The following RIMKLB variants were observed in gnomAD, a reference collection of about 807,000 sequenced individuals.
RIMKLB encodes ribosomal modification protein rimK like family member B.
Under a neutral mutation model 32.0 loss-of-function variants are expected in RIMKLB, and 7 were observed. The ratio of observed to expected loss-of-function variants is 0.22; its 90% CI spans 0.12 to 0.41. The LOEUF (loss-of-function observed/expected upper bound fraction) is 0.41. Ranked by LOEUF, RIMKLB falls within the 10% of genes least tolerant of loss-of-function variation. The probability of loss-of-function intolerance (pLI) is 1.00; values close to 1 mark genes in which losing one functional copy is unlikely to be tolerated. For missense variants in RIMKLB, 289 were observed against 498.7 expected, an observed-to-expected ratio of 0.58 and a Z score of 4.00; for synonymous variants, 172 against 185.1, an observed-to-expected ratio of 0.93 and a Z score of 0.57.
chr12:8,782,163 A>G (rs1951116041), downstream of RIMKLB, among the ~76,000 whole-genome samples: 4 of 151,968 alleles, frequency 2.6e-5, no homozygotes, highest in South Asian at 8.3e-4. Context: ...AATCTGAATC[A>G]AAAATTGTTT....
intron 2 of RIMKLB, among the ~76,000 whole-genome samples, chr12:8,727,550 T>G (rs1338958808): frequency 6.6e-6 from 1 of 152,224 alleles, no homozygotes; most frequent in African/African-American, 2.4e-5. Flanking sequence ...GTAGGCACTT[T>G]GTATCCATGG....
In RIMKLB at chr12:8,754,104, T is replaced by C; in HGVS notation, c.697+11T>C. 1 of 1,584,518 alleles carries C rather than the reference T, an allele frequency of 6.3e-7. No homozygotes were observed. Among genetic ancestry groups the C allele is most frequent in the Non-Finnish European group, 8.7e-7 (1 of 1,152,954 alleles). On this transcript the variant is annotated intron_variant, in intron 5 of 5. Transcript: ENST00000535829. ...GCAACTGCTCATTAGGTAAAAATAA[T>C]GCAATTATCTTTCTAGTATATAAAG...
intron 1 of RIMKLB, among the ~76,000 whole-genome samples, chr12:8,708,811 A>C (rs997954330): frequency 3.3e-5 from 5 of 152,362 alleles, no homozygotes; most frequent in East Asian, 1.9e-4. Flanking sequence ...GAGTATTCCA[A>C]GATGCAGTGC....
chr12:8,753,770 TAAA>T (rs57839091), intron 4 of RIMKLB, 117 bp from the exon 5 acceptor site: 2 of 719,670 alleles, frequency 2.8e-6, no homozygotes, highest in Non-Finnish European at 4.5e-6. Context: ...AAAGAAAACT[TAAA>T]AAAAAAATGT....
intron 5 of RIMKLB, among the ~76,000 whole-genome samples, chr12:8,759,399 TAATC>T (rs998013493): frequency 4.6e-5 from 7 of 152,116 alleles, no homozygotes; most frequent in East Asian, 1.9e-4. Flanking sequence ...CGTCTCTAAA[TAATC>T]AATCAGATTA....
intron 2 of RIMKLB, among the ~76,000 whole-genome samples, chr12:8,716,008 TATTGGGAGCC>T (rs1413616792): frequency 6.6e-6 from 1 of 152,178 alleles, no homozygotes; most frequent in Non-Finnish European, 1.5e-5. Flanking sequence ...ACACTTAGTG[TATTGGGAGCC>T]ATGTTCTTGA....
At chr12:8,778,684 A>G (rs1242404175), downstream of RIMKLB, among the ~76,000 whole-genome samples, 2 of 152,264 alleles carry the variant, frequency 1.3e-5, no homozygotes, top group South Asian at 4.2e-4. Flanking sequence ...CCTTTCTCCT[A>G]TACTTCCTAA....
At chr12:8,734,600 G>C (rs1248600613) in intron 2 of RIMKLB, among the ~76,000 whole-genome samples, 1 of 152,150 alleles carries the variant, frequency 6.6e-6, no homozygotes, top group Non-Finnish European at 1.5e-5. Flanking sequence ...AGTTCATTTA[G>C]TGGTACTCAT....
At chr12:8,778,468 G>GA (rs1404477564), downstream of RIMKLB, among the ~76,000 whole-genome samples, 3 of 152,192 alleles carry the variant, frequency 2.0e-5, no homozygotes, top group Non-Finnish European at 4.4e-5. Flanking sequence ...GAGATTATCA[G>GA]AAAATCATGG....
intron 2 of RIMKLB, among the ~76,000 whole-genome samples, chr12:8,729,466 A>G (rs991709503): frequency 4.6e-5 from 7 of 151,734 alleles, no homozygotes; most frequent in Non-Finnish European, 8.8e-5. Context: ...ATATCTAACC[A>G]TAGTCTCCGA....
chr12:8,733,636 G>T (rs1946743100), intron 2 of RIMKLB, among the ~76,000 whole-genome samples: 1 of 152,224 alleles, frequency 6.6e-6, no homozygotes, highest in East Asian at 1.9e-4. Context: ...ACTTTGGGAG[G>T]CCAAGGCAGG....
intron 4 of RIMKLB, among the ~76,000 whole-genome samples, 193 bp downstream of exon 4, chr12:8,752,236 T>C (rs758815563): frequency 2.6e-4 from 40 of 152,348 alleles, no homozygotes; most frequent in Admixed American, 2.3e-3. Flanking sequence ...TTAACATACA[T>C]ACTTAGACTG....
intron 2 of RIMKLB, among the ~76,000 whole-genome samples, chr12:8,733,201 A>G (rs1489720621): frequency 6.6e-6 from 1 of 152,152 alleles, no homozygotes; most frequent in African/African-American, 2.4e-5. Flanking sequence ...CTCGTAAGGC[A>G]TAGTACAGCC....
At chr12:8,735,804 C>T (rs1006259663) in intron 2 of RIMKLB, among the ~76,000 whole-genome samples, 10 of 151,934 alleles carry the variant, frequency 6.6e-5, no homozygotes, top group African/African-American at 2.2e-4. Flanking sequence ...GATCCCGGCT[C>T]ACTGCAACCC....
chr12:8,774,987 TTTAAAAAACAGA>T lies in RIMKLB; in HGVS notation c.*1205_*1216del. 2 of 985,732 alleles carry T rather than the reference TTTAAAAAACAGA, an allele frequency of 2.0e-6. No homozygotes were observed. The highest frequency in any genetic ancestry group is 4.7e-5 in the South Asian group (1 of 21,288). 61.1% of individuals were successfully genotyped at this position (985,732 alleles called of 1,614,324 possible). A position where few individuals can be genotyped will look rare whatever the true frequency, so the allele number is the denominator to read the frequency against. On this transcript the variant is annotated 3_prime_UTR_variant, in exon 6 of 6. Coordinates refer to ENST00000535829, the MANE Select transcript of RIMKLB (RefSeq NM_001297776.2). The stretch of plus-strand genomic sequence containing the variant: ...CATGATGGGAAACAGAGTTTTTGAC[TTTAAAAAACAGA>T]TGAGTTGTTTTCATAAGTAGACTCC...
intron 3 of RIMKLB, among the ~76,000 whole-genome samples, chr12:8,750,673 A>G (rs1762600627): frequency 6.6e-6 from 1 of 152,118 alleles, no homozygotes; most frequent in African/African-American, 2.4e-5. Flanking sequence ...ACTCATGTAA[A>G]ATATAATAAA....
chr12:8,776,848 G>C lies in RIMKLB; in HGVS notation c.*3064G>C, dbSNP rs1950756647. On this transcript the variant is annotated 3_prime_UTR_variant, in exon 6 of 6. Transcript: ENST00000535829. ...CATTATCAGACTTTGAGAACATATT[G>C]AAGGCATTGACTTTGAAAATCATCT... 1.0e-6 allele frequency: 1 copy of C among 985,790 alleles called. No individual in the cohort carries two copies. The highest frequency in any genetic ancestry group is 1.2e-6 in the Non-Finnish European group (1 of 829,918). 61.1% of individuals were successfully genotyped at this position (985,790 alleles called of 1,614,324 possible). A position where few individuals can be genotyped will look rare whatever the true frequency, so the allele number is the denominator to read the frequency against.
intron 2 of RIMKLB, among the ~76,000 whole-genome samples, chr12:8,725,235 C>A (rs939131292): frequency 6.6e-6 from 1 of 152,036 alleles, no homozygotes; most frequent in Non-Finnish European, 1.5e-5. Flanking sequence ...GTGCTAGTTA[C>A]AATTTTCTCT....
intron 5 of RIMKLB, among the ~76,000 whole-genome samples, chr12:8,756,884 G>GT (rs1227357638): frequency 1.3e-5 from 2 of 151,876 alleles, no homozygotes; most frequent in Non-Finnish European, 2.9e-5. Flanking sequence ...TAGAGATGGG[G>GT]TTTCACCATG....
Sources: gnomAD v4.1 joint callset for allele counts (sites outside exome capture counted in the v4.1 genomes callset) on GRCh38, gnomAD v4.1.1 for gene constraint, MANE v1.5 for transcripts, NCBI Gene and HGNC (gene_info 2026-07-23, HGNC 2026-07-21) for gene names.